The following GRIK2 variants were observed in gnomAD, a reference collection of about 807,000 sequenced individuals.
GRIK2 encodes the protein glutamate receptor ionotropic, kainate 2.
Under a neutral mutation model 100.3 loss-of-function variants are expected in GRIK2, and 32 were observed. That is an observed-to-expected ratio of 0.32 (90% CI 0.24 to 0.43). The LOEUF (loss-of-function observed/expected upper bound fraction) is 0.43, where lower values mean the gene tolerates loss of function less well. Among genes scored for constraint, GRIK2 ranks in the 20% least tolerant of loss-of-function variants. The pLI, the probability that GRIK2 is intolerant of heterozygous loss-of-function variation, is 1.00. For missense variants in GRIK2, 843 were observed against 1,114.9 expected, an observed-to-expected ratio of 0.76 and a Z score of 3.47; for synonymous variants, 417 against 389.4, an observed-to-expected ratio of 1.07 and a Z score of -0.83.
chr6:101,962,712 T>C (rs1792379284), intron 14 of GRIK2, among the ~76,000 whole-genome samples: 1 of 152,194 alleles, frequency 6.6e-6, no homozygotes, highest in African/African-American at 2.4e-5. Flanking sequence ...GTTATGTTGT[T>C]TGGTGCATAT....
At chr6:101,522,925 A>T (rs1226883005) in intron 2 of GRIK2, among the ~76,000 whole-genome samples, 1 of 150,380 alleles carries the variant, frequency 6.6e-6, no homozygotes, top group Non-Finnish European at 1.5e-5. Context: ...TATATGTGTT[A>T]TATATTTAAT....
At chr6:101,715,301 G>T (rs1773987389) in intron 7 of GRIK2, among the ~76,000 whole-genome samples, 1 of 151,712 alleles carries the variant, frequency 6.6e-6, no homozygotes, top group Admixed American at 6.6e-5. Flanking sequence ...CATTCAGGAT[G>T]CTAAGTGCTT....
At chr6:101,714,249 A>G (rs993030785) in intron 7 of GRIK2, among the ~76,000 whole-genome samples, 7 of 151,696 alleles carry the variant, frequency 4.6e-5, no homozygotes. Context: ...TGTAAATCAT[A>G]TGTTCAAAAC....
intron 2 of GRIK2, among the ~76,000 whole-genome samples, chr6:101,579,580 T>G (rs970598240): frequency 1.3e-5 from 2 of 152,042 alleles, no homozygotes; most frequent in Non-Finnish European, 2.9e-5. Flanking sequence ...GGGCCGGGCA[T>G]GGTGGATCAT....
At chr6:101,665,451 A>G (rs1316734370) in intron 4 of GRIK2, among the ~76,000 whole-genome samples, 2 of 152,206 alleles carry the variant, frequency 1.3e-5, no homozygotes, top group Non-Finnish European at 2.9e-5. Context: ...TTCATTGTAT[A>G]TTGAGTCAAA....
At chr6:102,044,903 A>C (rs1159309668) in intron 15 of GRIK2, among the ~76,000 whole-genome samples, 1 of 152,030 alleles carries the variant, frequency 6.6e-6, no homozygotes, top group Admixed American at 6.6e-5. Flanking sequence ...CTAGGCTGCC[A>C]CAGAAATATA....
chr6:101,946,181 G>A (rs1026755829), intron 14 of GRIK2, among the ~76,000 whole-genome samples: 1 of 151,910 alleles, frequency 6.6e-6, no homozygotes, highest in African/African-American at 2.4e-5. Context: ...TTTAGAAAGT[G>A]AAGAAAATGG....
chr6:102,035,448 T>A lies in GRIK2; in HGVS notation c.2193T>A (p.Ser731=). ...AAGGAATCCAGCGAGTCCTCACCTC[T>A]GATTATGCTTTCCTAATGGAGTCAA... is the stretch of plus-strand genomic sequence containing the variant. ...NEEGIQRVLT[S]DYAFLMESTT... Residue 731 remains serine (S), a synonymous_variant, in exon 15 of 17, where the codon TCT becomes TCA. Transcript: ENST00000369134. 2 of 1,608,514 alleles carry A rather than the reference T, an allele frequency of 1.2e-6. No individual in the cohort carries two copies. The highest frequency in any genetic ancestry group is 1.7e-6 in the Non-Finnish European group (2 of 1,175,808).
At chr6:101,407,064 A>G (rs1562115471) in intron 2 of GRIK2, among the ~76,000 whole-genome samples, 2 of 152,122 alleles carry the variant, frequency 1.3e-5, no homozygotes, top group Non-Finnish European at 2.9e-5. Context: ...AAACAAAACA[A>G]ATATTAAAGT....
intron 2 of GRIK2, among the ~76,000 whole-genome samples, chr6:101,412,334 A>G (rs1177402531): frequency 6.6e-6 from 1 of 152,088 alleles, no homozygotes; most frequent in Non-Finnish European, 1.5e-5. Flanking sequence ...TGTTTTCTGT[A>G]TTGATTGCCT....
intron 2 of GRIK2, among the ~76,000 whole-genome samples, chr6:101,509,309 C>T (rs1405045770): frequency 6.6e-6 from 1 of 152,026 alleles, no homozygotes; most frequent in East Asian, 1.9e-4. Flanking sequence ...GATTTAAGGC[C>T]ACTTAAAGAT....
At chr6:101,468,625 T>C (rs1231827210) in intron 2 of GRIK2, among the ~76,000 whole-genome samples, 2 of 152,184 alleles carry the variant, frequency 1.3e-5, no homozygotes, top group African/African-American at 4.8e-5. Flanking sequence ...GCTTTTGAAA[T>C]AGTTACAAGA....
intron 2 of GRIK2, among the ~76,000 whole-genome samples, chr6:101,465,074 G>T (rs1339239625): frequency 6.6e-6 from 1 of 152,060 alleles, no homozygotes; most frequent in Non-Finnish European, 1.5e-5. Flanking sequence ...GAAGGATCTT[G>T]ACTTTCCTTG....
intron 7 of GRIK2, among the ~76,000 whole-genome samples, chr6:101,791,007 A>T (rs1779812468): frequency 6.6e-6 from 1 of 152,128 alleles, no homozygotes; most frequent in African/African-American, 2.4e-5. Context: ...AGGTGTTTGT[A>T]GTATTCTCTG....
rs1208262415 is a variant in GRIK2, at chr6:101,718,592, C to T, written c.951+32239C>T. Among the ~76,000 whole-genome samples the T allele has an allele frequency of 2.0e-5, 3 of 151,924 alleles. No individual in the cohort carries two copies. In the Admixed American group the frequency reaches 2.0e-4, roughly 10 times the overall value. On this transcript the variant is annotated intron_variant, in intron 7 of 16. Transcript: ENST00000369134. ...CATATTCCCAACCACCATCATCCCT[C>T]CATTATCTAGACTGTGTCCCTTCCA...
At chr6:101,858,543 C>A (rs372254465) in intron 10 of GRIK2, among the ~76,000 whole-genome samples, 3 of 148,006 alleles carry the variant, frequency 2.0e-5, no homozygotes, top group Non-Finnish European at 4.4e-5. Context: ...CCCGCCACTA[C>A]GCCCAGCTAA....
intron 2 of GRIK2, among the ~76,000 whole-genome samples, chr6:101,530,439 AC>A (rs1224410039): frequency 1.3e-5 from 2 of 152,060 alleles, no homozygotes; most frequent in Non-Finnish European, 2.9e-5. Flanking sequence ...GAAAAACATA[AC>A]AATTAGAAGG....
At chr6:101,978,589 T>C (rs2128488490) in intron 14 of GRIK2, among the ~76,000 whole-genome samples, 1 of 152,088 alleles carries the variant, frequency 6.6e-6, no homozygotes, top group East Asian at 1.9e-4. Flanking sequence ...TCTGGCAGTT[T>C]CTGACAGAAA....
chr6:101,655,957 TTAAG>T (rs77870749), intron 4 of GRIK2, among the ~76,000 whole-genome samples: 9,643 of 151,920 alleles, frequency 0.063, 830 homozygotes, highest in East Asian at 0.43. Flanking sequence ...GACTGAAAAA[TTAAG>T]TTAGTTGATT....
Sources: allele counts gnomAD v4.1 joint callset (sites outside exome capture counted in the v4.1 genomes callset), GRCh38; gene constraint gnomAD v4.1.1; transcripts MANE v1.5; gene names NCBI Gene and HGNC (gene_info 2026-07-23, HGNC 2026-07-21).